The following DENND5A variants were observed in gnomAD, a reference collection of about 807,000 sequenced individuals.
DENND5A encodes the protein DENN domain containing 5A.
In DENND5A, 64 loss-of-function variants were observed where a neutral mutation model predicts 140.3. The ratio of observed to expected loss-of-function variants is 0.46; its 90% confidence interval spans 0.37 to 0.56. DENND5A has a LOEUF of 0.56. DENND5A is among the 20% of genes least tolerant of loss of function. DENND5A has a pLI of 0.00. For missense variants in DENND5A, 1,292 were observed against 1,593.8 expected, an observed-to-expected ratio of 0.81 and a Z score of 3.22; for synonymous variants, 605 against 607.7, an observed-to-expected ratio of 1.00 and a Z score of 0.07.
At chr11:9,252,906 G>A (rs150271793) in intron 1 of DENND5A, among the ~76,000 whole-genome samples, 2 of 151,144 alleles carry the variant, frequency 1.3e-5, no homozygotes, top group South Asian at 2.1e-4. Flanking sequence ...CTGGAGTGCA[G>A]TGGCACAATC....
intron 11 of DENND5A, among the ~76,000 whole-genome samples, chr11:9,163,639 A>G (rs556284546): frequency 3.9e-5 from 6 of 152,136 alleles, no homozygotes; most frequent in Non-Finnish European, 8.8e-5. Flanking sequence ...CCCTGTCTCT[A>G]CTAAAAATAC....
chr11:9,191,091 C>A (rs1415269686), intron 5 of DENND5A, among the ~76,000 whole-genome samples: 2 of 152,174 alleles, frequency 1.3e-5, no homozygotes, highest in African/African-American at 2.4e-5. Context: ...ACTGTCACCA[C>A]TCCTTCCCAA....
chr11:9,159,767 T>C (rs1294425739), intron 12 of DENND5A, among the ~76,000 whole-genome samples: 1 of 152,240 alleles, frequency 6.6e-6, no homozygotes, highest in Non-Finnish European at 1.5e-5. Context: ...GCTGCACCAT[T>C]TTACATTCCC....
At chr11:9,166,049 G>C in intron 10 of DENND5A, 82 bp from the exon 11 acceptor site, 1 of 1,274,400 alleles carries the variant, frequency 7.8e-7, no homozygotes, top group Non-Finnish European at 1.1e-6. Flanking sequence ...TGCCTGAAGA[G>C]GGCATTATTT....
chr11:9,173,691 T>C (rs547138491), intron 8 of DENND5A, among the ~76,000 whole-genome samples: 66 of 152,326 alleles, frequency 4.3e-4, no homozygotes, highest in African/African-American at 1.2e-3. Flanking sequence ...GAAAGTGATA[T>C]TGTATCACCT....
In DENND5A at chr11:9,208,279, A is replaced by G. The variant is rs565409769; in HGVS notation, c.110-647T>C. On this transcript the variant is annotated intron_variant, in intron 1 of 22. Coordinates refer to ENST00000328194, the MANE Select transcript of DENND5A (RefSeq NM_015213.4). ...AAGGCTATTATCTGGGAGGCTCCAG[A>G]TCTTTCACCTACGTGGCCTAACCAT... Among the ~76,000 whole-genome samples, 16 of 152,366 alleles carry G rather than the reference A, an allele frequency of 1.1e-4. No individual in the cohort carries two copies. The South Asian group carries it at 3.3e-3, about 32-fold the overall frequency.
intron 5 of DENND5A, among the ~76,000 whole-genome samples, chr11:9,191,612 G>C (rs751610067): frequency 6.6e-6 from 1 of 152,172 alleles, no homozygotes; most frequent in Non-Finnish European, 1.5e-5. Flanking sequence ...TCCCTCAGAG[G>C]TCCCTTTGTA....
At chr11:9,262,135 G>T (rs151281862) in intron 1 of DENND5A, among the ~76,000 whole-genome samples, 1,806 of 152,112 alleles carry the variant, frequency 0.012, 115 homozygotes, top group Admixed American at 0.11. Flanking sequence ...CATTTTTGAA[G>T]GTCTACTTGA....
chr11:9,252,929 A>G lies in DENND5A; in HGVS notation c.109+12032T>C, dbSNP rs1851794014. Among the ~76,000 whole-genome samples, 3 of 150,902 alleles carry G rather than the reference A, an allele frequency of 2.0e-5. No homozygotes were observed. In the South Asian group the frequency reaches 6.2e-4, roughly 31 times the overall value. ...CAGTGGCACAATCATGGCTCACCAC[A>G]GTCTGGACCTCCCTGGACTCAGCTG... is the stretch of plus-strand genomic sequence containing the variant. On this transcript the variant is annotated intron_variant, in intron 1 of 22. Transcript: ENST00000328194.
intron 8 of DENND5A, among the ~76,000 whole-genome samples, chr11:9,172,733 A>G (rs1848411457): frequency 6.6e-6 from 1 of 152,204 alleles, no homozygotes; most frequent in Non-Finnish European, 1.5e-5. Flanking sequence ...TCCTTTACAA[A>G]TTACCCAGTC....
intron 4 of DENND5A, among the ~76,000 whole-genome samples, chr11:9,198,378 C>CGAGGCGGGTGGATCACGAGGTCAA (rs1564910437): frequency 4.6e-5 from 7 of 151,192 alleles, no homozygotes. Flanking sequence ...ACTTTGAGGC[C>CGAGGCGGGTGGATCACGAGGTCAA]GAGGCGGGTG....
intron 11 of DENND5A, among the ~76,000 whole-genome samples, chr11:9,164,253 A>G (rs1407719970): frequency 9.1e-6 from 1 of 109,964 alleles, no homozygotes; most frequent in Non-Finnish European, 1.7e-5. Context: ...AGGTTTTGCC[A>G]TGTTGCTTAG....
At position 9,184,379 on chromosome 11, in the gene DENND5A, G is replaced by A. The variant is rs11825724; in HGVS notation, c.1138-3295C>T. 4.8e-3 allele frequency among the ~76,000 whole-genome samples: 734 copies of A among 152,156 alleles called. 5 individuals are homozygous for A. Among genetic ancestry groups the A allele is most frequent in the African/African-American group, 0.017 (704 of 41,512 alleles). ...AAAGAAAAAAAAAAAAGACATTTCA[G>A]TTGTTTTTTGTTTACTGTATTTACA... On this transcript the variant is annotated intron_variant, in intron 5 of 22. Transcript: ENST00000328194.
chr11:9,193,251 C>A (rs1849201492), intron 5 of DENND5A, among the ~76,000 whole-genome samples: 1 of 152,108 alleles, frequency 6.6e-6, no homozygotes, highest in South Asian at 2.1e-4. Flanking sequence ...AAAACAAAAA[C>A]AATAGCATAA....
intron 1 of DENND5A, among the ~76,000 whole-genome samples, chr11:9,215,857 T>G (rs866899064): frequency 6.6e-6 from 1 of 152,184 alleles, no homozygotes; most frequent in African/African-American, 2.4e-5. Context: ...GCCGTTCTTT[T>G]ATATAATTAA....
At chr11:9,261,484 T>C (rs933525110) in intron 1 of DENND5A, among the ~76,000 whole-genome samples, 2 of 152,070 alleles carry the variant, frequency 1.3e-5, no homozygotes, top group African/African-American at 4.8e-5. Context: ...CTTTGTTTTA[T>C]TCAAAGATTC....
intron 11 of DENND5A, among the ~76,000 whole-genome samples, chr11:9,163,791 G>C: frequency 7.2e-6 from 1 of 138,924 alleles, no homozygotes; most frequent in Non-Finnish European, 1.5e-5. Context: ...GTGACACAGT[G>C]AGACTCCATC....
At chr11:9,263,007 C>T (rs1195043263) in intron 1 of DENND5A, among the ~76,000 whole-genome samples, 3 of 152,154 alleles carry the variant, frequency 2.0e-5, no homozygotes, top group Non-Finnish European at 4.4e-5. Context: ...TCCCAAAGTG[C>T]TGGGATTACA....
chr11:9,219,549 G>A (rs1052507351), intron 1 of DENND5A, among the ~76,000 whole-genome samples: 59 of 152,134 alleles, frequency 3.9e-4, no homozygotes, highest in African/African-American at 1.4e-3. Context: ...CATATGCTCT[G>A]CCAAAACGAG....
Sources: allele counts gnomAD v4.1 joint callset (sites outside exome capture counted in the v4.1 genomes callset), GRCh38; gene constraint gnomAD v4.1.1; transcripts MANE v1.5; gene names NCBI Gene and HGNC (gene_info 2026-07-23, HGNC 2026-07-21).